Variants in ZMYND10 observed in about 807,000 individuals in gnomAD.
ZMYND10 encodes zinc finger MYND-type containing 10.
In ZMYND10, 52 loss-of-function variants were observed where a neutral mutation model predicts 62.6. The ratio of observed to expected loss-of-function variants is 0.83; its 90% CI spans 0.67 to 1.05. The LOEUF (loss-of-function observed/expected upper bound fraction) is 1.05. Among genes scored for constraint, ZMYND10 ranks in the 50% least tolerant of loss-of-function variants. The pLI is 0.00. For missense variants in ZMYND10, 438 were observed against 543.3 expected (o/e 0.81, Z 1.93); for synonymous variants, 197 against 218.5 (o/e 0.90, Z 0.87).
rs773509060 is a variant in ZMYND10, at chr3:50,343,775, C to G, written c.277G>C (p.Glu93Gln). The G allele has an allele frequency of 1.2e-6, 2 of 1,614,186 alleles. No individual in the cohort carries two copies. The highest frequency in any genetic ancestry group is 3.3e-5 in the Admixed American group (2 of 60,014). Residue 93 changes from glutamate (E) to glutamine (Q), a missense_variant, in exon 3 of 12, where the codon GAG (glutamate) becomes CAG (glutamine). By Grantham distance (29) the Glu-to-Gln change is conservative. Coordinates refer to ENST00000231749, the MANE Select transcript of ZMYND10 (RefSeq NM_015896.4). Reference sequence around the variant, plus strand: ...AAGGTGTTCTGGGGCTTGAAGTCCTCCACCCTGCAGAACACAGGGAACACC... The same window carrying G: ...AAGGTGTTCTGGGGCTTGAAGTCCTGCACCCTGCAGAACACAGGGAACACC... ...QKVFPVFCRV[E>Q]DFKPQNTFPI...
chr3:50,344,093 C>G, intron 2 of ZMYND10: 1 of 512,078 alleles, frequency 2.0e-6, no homozygotes, highest in South Asian at 2.1e-5. Flanking sequence ...AGTTCCCAGA[C>G]TGCCTTGCCC....
chr3:50,341,354 T>G lies in ZMYND10; in HGVS notation c.*56A>C, dbSNP rs963099234. 8.7e-4 allele frequency: 1,387 copies of G among 1,598,874 alleles called. No individual in the cohort carries two copies. Among genetic ancestry groups the G allele is most frequent in the Non-Finnish European group, 1.1e-3 (1,284 of 1,170,302 alleles). On this transcript the variant is annotated 3_prime_UTR_variant, in exon 12 of 12. Coordinates refer to ENST00000231749, the MANE Select transcript of ZMYND10 (RefSeq NM_015896.4). Reference sequence around the variant, plus strand: ...GGACCGTGATCTTGAGGTTCAGGGGTGCATTCTGGGTGGATTCCCTTGGCA... The same window carrying G: ...GGACCGTGATCTTGAGGTTCAGGGGGGCATTCTGGGTGGATTCCCTTGGCA...
In ZMYND10 at chr3:50,341,267, G is replaced by T; in HGVS notation, c.*143C>A. 2.0e-6 allele frequency: 2 copies of T among 994,336 alleles called. No individual in the cohort carries two copies. Among genetic ancestry groups the T allele is most frequent in the Non-Finnish European group, 3.0e-6 (2 of 672,844 alleles). 61.6% of individuals were successfully genotyped at this position (994,336 alleles called of 1,614,324 possible). A position where few individuals can be genotyped will look rare whatever the true frequency, so the allele number is the denominator to read the frequency against. ...ACTTGGGGTGAGGAGGAGGGAGATC[G>T]GTCAGCAGCTTTACCGCCCGCTCTG... On this transcript the variant is annotated 3_prime_UTR_variant, in exon 12 of 12. Transcript: ENST00000231749.
chr3:50,344,980 T>G, intron 2 of ZMYND10, 144 bp downstream of exon 2: 2 of 690,150 alleles, frequency 2.9e-6, no homozygotes, highest in Non-Finnish European at 4.9e-6. Flanking sequence ...GGATACAAAA[T>G]GAAACATGTA....
At position 50,343,413 on chromosome 3, in the gene ZMYND10, A is replaced by G; in HGVS notation, c.404T>C (p.Leu135Ser). 6.2e-7 allele frequency: 1 copy of G among 1,613,328 alleles called. No individual in the cohort carries two copies. The highest frequency in any genetic ancestry group is 1.1e-5 in the South Asian group (1 of 91,052). The change falls in exon 5 of 12, where the codon TTG (leucine) becomes TCG (serine). Residue 135 changes from leucine (L) to serine (S), a missense_variant. By Grantham distance (145) the Leu-to-Ser change is moderately radical (BLOSUM62 -2). Transcript: ENST00000231749. ...GCGGTGGCAATAGTCTACCAAGTCCAAGACAGTGTCTTCTGCTGACTCACA... is the reference window on the plus strand; with the variant it reads ...GCGGTGGCAATAGTCTACCAAGTCCGAGACAGTGTCTTCTGCTGACTCACA... Reference protein sequence around the residue: ...EVCESAEDTVLDLVDYCHRKL... With the variant: ...EVCESAEDTVSDLVDYCHRKL...
At chr3:50,343,495 G>C in intron 4 of ZMYND10, 51 bp from the exon 5 acceptor site, 1 of 1,614,050 alleles carries the variant, frequency 6.2e-7, no homozygotes, top group Non-Finnish European at 8.5e-7. Flanking sequence ...TCCCCACACA[G>C]ACACAATCTC....
chr3:50,342,518 T>C lies in ZMYND10; in HGVS notation c.752A>G (p.Glu251Gly). ...GTCCAACTTGCTCAGCTTTTGCTGC[T>C]CTGAGGGGGCCACAGTATGCCAACG... is the stretch of plus-strand genomic sequence containing the variant. ...GSRWHTVAPS[E>G]QQKLSKLDGQ... The change falls in exon 8 of 12, where the codon GAG becomes GGG. Residue 251 changes from glutamate (E) to glycine (G), a missense_variant. Glu to Gly is a moderately conservative substitution (Grantham distance 98, BLOSUM62 -2). Coordinates refer to ENST00000231749, the MANE Select transcript of ZMYND10 (RefSeq NM_015896.4). The C allele has an allele frequency of 6.2e-7, 1 of 1,614,112 alleles. No individual in the cohort carries two copies. Among genetic ancestry groups the C allele is most frequent in the Non-Finnish European group, 8.5e-7 (1 of 1,179,990 alleles).
Position 50,345,662 on chromosome 3 carries a change from G to A in ZMYND10, c.-83C>T. 1.9e-6 allele frequency: 3 copies of A among 1,541,674 alleles called. No homozygotes were observed. The highest frequency in any genetic ancestry group is 1.2e-5 in the South Asian group (1 of 83,158). On this transcript the variant is annotated 5_prime_UTR_variant, in exon 1 of 12. Transcript: ENST00000231749. The surrounding 1 kb of genome is among the most constrained non-coding windows in gnomAD (Gnocchi z 5.0). The stretch of plus-strand genomic sequence containing the variant: ...TTCGGGGACGACGGACCCCGACGGT[G>A]CCAAAGTCTGGGACAGGACAGTTGC...
In ZMYND10 at chr3:50,341,246, G is replaced by A; in HGVS notation, c.*164C>T. 1.2e-6 allele frequency: 1 copy of A among 842,058 alleles called. No homozygotes were observed. Among genetic ancestry groups the A allele is most frequent in the Non-Finnish European group, 1.8e-6 (1 of 544,672 alleles). 52.2% of individuals were successfully genotyped at this position (842,058 alleles called of 1,614,324 possible). ...GGCAGGAAGTCTCGAGCCTTCACTT[G>A]GGGTGAGGAGGAGGGAGATCGGTCA... On this transcript the variant is annotated 3_prime_UTR_variant, in exon 12 of 12. Coordinates refer to ENST00000231749, the MANE Select transcript of ZMYND10 (RefSeq NM_015896.4).
chr3:50,345,505 G>A lies in ZMYND10; in HGVS notation c.75C>T (p.Arg25=), dbSNP rs1285382991. 3 of 1,606,458 alleles carry A rather than the reference G, an allele frequency of 1.9e-6. No homozygotes were observed. ...TGCCTCACCCTTCGGAGCCCATCTCGCGTAGCGGGAAGCTGCGCAGACCCC... is the reference window on the plus strand; with the variant it reads ...TGCCTCACCCTTCGGAGCCCATCTCACGTAGCGGGAAGCTGCGCAGACCCC... The part of the protein sequence containing the change: ...LVRGLRSFPL[R]EMGSEGWNQQ... The change falls in exon 1 of 12, where the codon CGC becomes CGT. Residue 25 remains arginine (R), a synonymous_variant. Coordinates refer to ENST00000231749, the MANE Select transcript of ZMYND10 (RefSeq NM_015896.4). This position sits in a 1 kb window ranked among gnomAD's most constrained non-coding sequence, Gnocchi z 5.0.
chr3:50,343,437 C>A lies in ZMYND10; in HGVS notation c.380G>T (p.Cys127Phe). The A allele has an allele frequency of 6.2e-7, 1 of 1,612,160 alleles. No individual in the cohort carries two copies. Among genetic ancestry groups the A allele is most frequent in the Non-Finnish European group, 8.5e-7 (1 of 1,178,464 alleles). Residue 127 changes from cysteine (C) to phenylalanine (F), a missense_variant, in exon 5 of 12, where the codon TGT (cysteine) becomes TTT (phenylalanine). Cys to Phe is a radical substitution (Grantham distance 205, BLOSUM62 -2). Coordinates refer to ENST00000231749, the MANE Select transcript of ZMYND10 (RefSeq NM_015896.4). ...CAAGACAGTGTCTTCTGCTGACTCA[C>A]ACACCTCCTGGGAAAAGGAGGAGGG... ...LETVFFHKEV[C>F]ESAEDTVLDL...
chr3:50,341,845 G>A lies in ZMYND10; in HGVS notation c.1086C>T (p.Ser362=), dbSNP rs1158414983. 3.1e-6 allele frequency: 5 copies of A among 1,614,030 alleles called. No individual in the cohort carries two copies. The highest frequency in any genetic ancestry group is 1.7e-5 in the Admixed American group (1 of 60,010). Residue 362 remains serine, a synonymous_variant, in exon 10 of 12, where the codon AGC becomes AGT. Coordinates refer to ENST00000231749, the MANE Select transcript of ZMYND10 (RefSeq NM_015896.4). ...GCAGCCGCAGGTCCTGCTCTGAGGG[G>A]CTGAACACATGCTGGAGCTGGTGCT... ...IAKHQLQHVF[S]PSEQDLRLQA...
At chr3:50,343,991 C>T in intron 2 of ZMYND10, 141 bp from the exon 3 acceptor site, 1 of 702,960 alleles carries the variant, frequency 1.4e-6, no homozygotes, top group South Asian at 1.7e-5. Context: ...AGTATCCTTC[C>T]TGACTTCTCT....
rs587604163 is a variant in ZMYND10 at position 50,341,603 on chromosome 3, T to G, written c.1218A>C (p.Ser406=). 6.2e-7 allele frequency: 1 copy of G among 1,614,250 alleles called. No individual in the cohort carries two copies. The highest frequency in any genetic ancestry group is 1.3e-5 in the African/African-American group (1 of 75,070). ...YCSAEASKRC[S]RCQNEWYCCR... ...AGCAATACCACTCATTCTGGCATCGTGAGCAGCGCTTAGAAGCCTCTGCAC... is the reference window on the plus strand; with the variant it reads ...AGCAATACCACTCATTCTGGCATCGGGAGCAGCGCTTAGAAGCCTCTGCAC... The change falls in exon 11 of 12, where the codon TCA becomes TCC. Residue 406 remains serine (S), a synonymous_variant. Coordinates refer to ENST00000231749, the MANE Select transcript of ZMYND10 (RefSeq NM_015896.4).
At position 50,344,027 on chromosome 3, in the gene ZMYND10, G is replaced by A. The variant is rs1057473169; in HGVS notation, c.202-177C>T. On this transcript the variant is annotated intron_variant, in intron 2 of 11. Coordinates refer to ENST00000231749, the MANE Select transcript of ZMYND10 (RefSeq NM_015896.4). ...CTTGCACCTTGGACCTTCATTACCA[G>A]CTGCTCCCAACACCTCTGTGGATGT... 48 of 610,928 alleles carry A rather than the reference G, an allele frequency of 7.9e-5. 1 individual carries two copies. Among genetic ancestry groups the A allele is most frequent in the South Asian group, 3.9e-4 (20 of 51,880 alleles). 37.8% of individuals were successfully genotyped at this position (610,928 alleles called of 1,614,324 possible). A position where few individuals can be genotyped will look rare whatever the true frequency, so the allele number is the denominator to read the frequency against.
At chr3:50,342,710 C>A in intron 7 of ZMYND10, 141 bp from the exon 8 acceptor site, 1 of 1,470,622 alleles carries the variant, frequency 6.8e-7, no homozygotes, top group Non-Finnish European at 9.0e-7. Context: ...GGGCTGCTGA[C>A]CCCAGAGCAG....
At chr3:50,342,375 G>A in intron 8 of ZMYND10, 22 bp downstream of exon 8, 1 of 1,559,534 alleles carries the variant, frequency 6.4e-7, no homozygotes, top group South Asian at 1.2e-5. Context: ...GGCTGTGGGG[G>A]CTGGTGCGGA....
In ZMYND10 at chr3:50,341,435, G is replaced by T; in HGVS notation, c.1298C>A (p.Ala433Glu). Residue 433 changes from alanine to glutamate, a missense_variant, in exon 12 of 12, where the codon GCA becomes GAA. Transcript: ENST00000231749. ...WEKHGKTCVL[A>E]AQGDRAK The stretch of plus-strand genomic sequence containing the variant: ...TCATTTGGCTCTGTCACCCTGGGCT[G>T]CCAGGACACAAGTCTTTCCATGCTT... The T allele has an allele frequency of 1.2e-6, 2 of 1,614,218 alleles. No homozygotes were observed. Among genetic ancestry groups the T allele is most frequent in the South Asian group, 1.1e-5 (1 of 91,086 alleles).
rs146875767 is a variant in ZMYND10, at chr3:50,342,929, C to G, written c.689G>C (p.Arg230Pro). ...GGGGAGGACCCTACCTCCTTCCCGC[C>G]GGCTCCAGGGACTATGCTCCAGCAG... ...VELLEHSPWS[R>P]REGGKLQQFE... Residue 230 changes from arginine to proline, a missense_variant, in exon 7 of 12, where the codon CGG (arginine) becomes CCG (proline). Arg to Pro is a moderately radical substitution (Grantham distance 103, BLOSUM62 -2). Transcript: ENST00000231749. The G allele has an allele frequency of 6.2e-7, 1 of 1,613,908 alleles. No homozygotes were observed. Among genetic ancestry groups the G allele is most frequent in the East Asian group, 2.2e-5 (1 of 44,886 alleles).
Sources: allele counts gnomAD v4.1 joint callset, GRCh38; gene constraint gnomAD v4.1.1; non-coding constraint Gnocchi (gnomAD v3.1); transcripts MANE v1.5; gene names NCBI Gene and HGNC (gene_info 2026-07-23, HGNC 2026-07-21).